UNKL: variants seen among roughly 807,000 people sequenced by gnomAD.
The protein encoded by UNKL is putative E3 ubiquitin-protein ligase UNKL.
In UNKL, 60 loss-of-function variants were observed where a neutral mutation model predicts 78.0. That is an observed-to-expected ratio of 0.77 (90% CI 0.63 to 0.95). The LOEUF is 0.95. Among genes scored for constraint, UNKL ranks in the 40% least tolerant of loss-of-function variants. The pLI is 0.00. For synonymous variants in UNKL, 608 were observed against 474.8 expected (o/e 1.28, Z -3.65); for missense variants, 1,159 against 1,045.7 (o/e 1.11, Z -1.49).
intron 10 of UNKL, among the ~76,000 whole-genome samples, chr16:1,379,344 G>A (rs1263737772): frequency 1.3e-5 from 2 of 151,668 alleles, no homozygotes; most frequent in African/African-American, 2.4e-5. Context: ...CCGCTCCCCT[G>A]CCCTCCCTCG....
Position 1,363,344 on chromosome 16 carries a change from A to C in UNKL, c.*2896T>G. On this transcript the variant is annotated 3_prime_UTR_variant, in exon 15 of 15. Transcript: ENST00000389221. ...CAGTTCGCTACAAGTAAATGATTATAAATACTACCTTCTGGGTTAAGAAAA... is the reference window on the plus strand; with the variant it reads ...CAGTTCGCTACAAGTAAATGATTATCAATACTACCTTCTGGGTTAAGAAAA... 5 of 496,252 alleles carry C rather than the reference A, an allele frequency of 1.0e-5. No homozygotes were observed. Among genetic ancestry groups the C allele is most frequent in the Non-Finnish European group, 1.8e-5 (5 of 272,406 alleles). The allele number at this position is 496,252 out of a possible 1,614,324, so 30.7% of individuals were successfully genotyped here.
rs866065884 is a variant in UNKL at position 1,367,771 on chromosome 16, G to A, written c.1673C>T (p.Pro558Leu). The change falls in exon 13 of 15, where the codon CCA becomes CTA. Residue 558 changes from proline to leucine, a missense_variant. Transcript: ENST00000389221. ...GTTTGGACTTGCACTCGAAGAGGAT[G>A]GGGGGCCGGCACTCAGGATGGGGGA... ...SPSPILSAGP[P>L]SSSSASPNGA... 1.9e-6 allele frequency: 3 copies of A among 1,573,204 alleles called. No homozygotes were observed. The African/African-American group carries it at 4.1e-5, about 21-fold the overall frequency.
chr16:1,371,685 G>A (rs1421089187), intron 10 of UNKL, 74 bp from the exon 11 acceptor site: 28 of 1,455,532 alleles, frequency 1.9e-5, no homozygotes, highest in Middle Eastern at 3.5e-4. Context: ...TGAGGAGGAC[G>A]ACCGTCCCAC....
chr16:1,408,531 A>C (rs2037882330), intron 2 of UNKL: 1 of 155,276 alleles, frequency 6.4e-6, no homozygotes, highest in Non-Finnish European at 1.4e-5. Context: ...CAGAGGATAG[A>C]GGACGCCGAG....
At chr16:1,374,910 G>T (rs561787190) in intron 10 of UNKL, among the ~76,000 whole-genome samples, 1 of 152,256 alleles carries the variant, frequency 6.6e-6, no homozygotes, top group Non-Finnish European at 1.5e-5. Context: ...AGGCAGGAGG[G>T]TGACTTCTGA....
chr16:1,368,426 C>A (rs1435577029), intron 12 of UNKL, among the ~76,000 whole-genome samples: 1 of 151,322 alleles, frequency 6.6e-6, no homozygotes, highest in Non-Finnish European at 1.5e-5. Context: ...CAAGGTGAAA[C>A]CCCGTCTCTA....
At position 1,367,284 on chromosome 16, in the gene UNKL, G is replaced by A; in HGVS notation, c.1854C>T (p.Asp618=). 6.4e-7 allele frequency: 1 copy of A among 1,565,434 alleles called. No individual in the cohort carries two copies. Among genetic ancestry groups the A allele is most frequent in the Non-Finnish European group, 8.6e-7 (1 of 1,160,008 alleles). Residue 618 remains aspartate (D), a synonymous_variant, in exon 14 of 15, where the codon GAC becomes GAT. Coordinates refer to ENST00000389221, the MANE Select transcript of UNKL (RefSeq NM_001372107.1). ...CCTTCTTCTGCAGCGCCAGCTGCCG[G>A]TCGCTATCGGCCACACGGGCACGCT... ...AKERARVADS[D]RQLALQKKEE...
chr16:1,368,355 C>T (rs1001158180), intron 12 of UNKL, among the ~76,000 whole-genome samples: 3 of 152,126 alleles, frequency 2.0e-5, no homozygotes, highest in African/African-American at 4.8e-5. Context: ...GTAATCCCAG[C>T]ACTTTGGGAG....
In UNKL at chr16:1,368,608, CAAAAAAAAAAAA is replaced by C. The variant is rs757374554; in HGVS notation, c.1586-762_1586-751del. Among the ~76,000 whole-genome samples, 13 of 42,148 alleles carry C rather than the reference CAAAAAAAAAAAA, an allele frequency of 3.1e-4. 1 individual carries two copies. In the South Asian group the frequency reaches 0.021, roughly 67 times the overall value. The allele number at this position is 42,148 out of a possible 152,430, so 27.7% of individuals were successfully genotyped here. ...TGGGCGACAGAATGAGACTCCGTCT[CAAAAAAAAAAAA>C]AAAAAAAAAAAAAAACAGGCCTGTC... is the stretch of plus-strand genomic sequence containing the variant. On this transcript the variant is annotated intron_variant, in intron 12 of 14. Coordinates refer to ENST00000389221, the MANE Select transcript of UNKL (RefSeq NM_001372107.1).
rs1247643212 is a variant in UNKL, at chr16:1,390,676, G to A, written c.1042C>T (p.Pro348Ser). The A allele has an allele frequency of 2.0e-6, 3 of 1,536,064 alleles. No homozygotes were observed. The highest frequency in any genetic ancestry group is 2.6e-6 in the Non-Finnish European group (3 of 1,146,892). Residue 348 changes from proline (P) to serine (S), a missense_variant, in exon 9 of 15, where the codon CCG becomes TCG. By Grantham distance (74) the Pro-to-Ser change is moderately conservative. Coordinates refer to ENST00000389221, the MANE Select transcript of UNKL (RefSeq NM_001372107.1). The part of the protein sequence containing the change: ...QPGNAKRRDS[P>S]AEGGPRGSEQ... ...CTGCCCCTAGGGCCACCCTCGGCCGGCGAGTCTCTCCGCTTGGCCTGCAAC... is the reference window on the plus strand; with the variant it reads ...CTGCCCCTAGGGCCACCCTCGGCCGACGAGTCTCTCCGCTTGGCCTGCAAC...
chr16:1,371,082 CAAAAA>C (rs764163064), intron 11 of UNKL, among the ~76,000 whole-genome samples: 3 of 67,994 alleles, frequency 4.4e-5, no homozygotes, highest in Admixed American at 3.2e-4. Flanking sequence ...GGCTCTGTCT[CAAAAA>C]AAAAAAAAAA....
At position 1,363,400 on chromosome 16, in the gene UNKL, C is replaced by T; in HGVS notation, c.*2840G>A. On this transcript the variant is annotated 3_prime_UTR_variant, in exon 15 of 15. Coordinates refer to ENST00000389221, the MANE Select transcript of UNKL (RefSeq NM_001372107.1). ...TTCAAATAACATTCTCATGTAAATA[C>T]TCAAACATACAGATTGAGGCTTCCA... The T allele has an allele frequency of 2.6e-6, 1 of 391,218 alleles. No homozygotes were observed. Among genetic ancestry groups the T allele is most frequent in the East Asian group, 6.0e-5 (1 of 16,806 alleles). 24.2% of individuals were successfully genotyped at this position (391,218 alleles called of 1,614,324 possible).
At chr16:1,371,155 C>A (rs924225768) in intron 11 of UNKL, among the ~76,000 whole-genome samples, 2 of 151,920 alleles carry the variant, frequency 1.3e-5, no homozygotes, top group African/African-American at 4.8e-5. Flanking sequence ...ATACATTTAT[C>A]CTTCGGGGAC....
At chr16:1,390,985 G>A (rs1057454534) in intron 8 of UNKL, among the ~76,000 whole-genome samples, 4 of 151,628 alleles carry the variant, frequency 2.6e-5, no homozygotes, top group Non-Finnish European at 5.9e-5. Context: ...AGCCGAGATG[G>A]CACCATTGCA....
intron 2 of UNKL, among the ~76,000 whole-genome samples, chr16:1,405,507 C>T (rs1163747571): frequency 2.0e-5 from 3 of 150,764 alleles, no homozygotes; most frequent in Non-Finnish European, 4.4e-5. Flanking sequence ...ACCCGGGAGG[C>T]GGGGGTTGCA....
chr16:1,371,940 C>T (rs1003234371), intron 10 of UNKL, among the ~76,000 whole-genome samples: 8 of 152,170 alleles, frequency 5.3e-5, no homozygotes, highest in Admixed American at 3.9e-4. Context: ...CATCTGTCCA[C>T]GTGTGCACAT....
intron 10 of UNKL, chr16:1,379,594 C>T (rs1471686786): frequency 2.0e-6 from 2 of 985,136 alleles, no homozygotes; most frequent in Non-Finnish European, 2.4e-6. Flanking sequence ...AGACCCGCAC[C>T]TTGGCGGCGC....
At position 1,414,666 on chromosome 16, in the gene UNKL, G is replaced by T. The variant is rs1053914711; in HGVS notation, c.26C>A (p.Ala9Glu). The T allele has an allele frequency of 1.2e-5, 14 of 1,152,306 alleles. No homozygotes were observed. Among genetic ancestry groups the T allele is most frequent in the Non-Finnish European group, 1.5e-5 (14 of 924,424 alleles). 71.4% of individuals were successfully genotyped at this position (1,152,306 alleles called of 1,614,324 possible). A position where few individuals can be genotyped will look rare whatever the true frequency, so the allele number is the denominator to read the frequency against. The part of the protein sequence containing the change: MPSVSKAA[A>E]AALSGSPPQT... The stretch of plus-strand genomic sequence containing the variant: ...CGGGGGGGACCCGCTCAGCGCCGCT[G>T]CCGCCGCTTTCGAAACCGACGGCAT... The change falls in exon 1 of 15, where the codon GCA becomes GAA. Residue 9 changes from alanine to glutamate, a missense_variant. Ala to Glu is a moderately radical substitution (Grantham distance 107, BLOSUM62 -1). Transcript: ENST00000389221.
At chr16:1,400,431 A>G (rs1461537234) in intron 4 of UNKL, among the ~76,000 whole-genome samples, 2 of 127,826 alleles carry the variant, frequency 1.6e-5, no homozygotes, top group Non-Finnish European at 3.1e-5. Flanking sequence ...AAAAAAAAAA[A>G]AAAAAAAAAA....
Sources: allele counts gnomAD v4.1 joint callset (sites outside exome capture counted in the v4.1 genomes callset), GRCh38; gene constraint gnomAD v4.1.1; transcripts MANE v1.5; gene names NCBI Gene and HGNC (gene_info 2026-07-23, HGNC 2026-07-21).